Variants in DOCK10 observed in about 807,000 individuals in gnomAD.
DOCK10 encodes dedicator of cytokinesis protein 10.
DOCK10 carries 145 observed loss-of-function variants against 280.1 expected under a neutral mutation model. The ratio of observed to expected loss-of-function variants is 0.52; its 90% CI spans 0.45 to 0.59. The LOEUF (loss-of-function observed/expected upper bound fraction) is 0.59. Ranked by LOEUF, DOCK10 falls within the 20% of genes least tolerant of loss-of-function variation. The pLI, the probability that DOCK10 is intolerant of heterozygous loss-of-function variation, is 0.00. For missense variants in DOCK10, 2,368 were observed against 2,651.7 expected (o/e 0.89, Z 2.35); for synonymous variants, 915 against 942.2 (o/e 0.97, Z 0.53).
intron 1 of DOCK10, among the ~76,000 whole-genome samples, chr2:225,027,612 CCTCT>C (rs1689952533): frequency 6.6e-6 from 1 of 152,022 alleles, no homozygotes; most frequent in Non-Finnish European, 1.5e-5. Context: ...GTGCCCCCTC[CCTCT>C]CTCTCCTTCT....
intron 38 of DOCK10, 34 bp from the exon 39 acceptor site, chr2:224,804,247 A>C: frequency 2.3e-6 from 3 of 1,307,622 alleles, no homozygotes; most frequent in Non-Finnish European, 3.3e-6. Flanking sequence ...ATCATAGCTC[A>C]GTGTTTGTAA....
At position 224,778,187 on chromosome 2, in the gene DOCK10, G is replaced by A; in HGVS notation, c.5753C>T (p.Ala1918Val). 2 of 1,613,288 alleles carry A rather than the reference G, an allele frequency of 1.2e-6. No homozygotes were observed. The highest frequency in any genetic ancestry group is 1.7e-6 in the Non-Finnish European group (2 of 1,179,480). The stretch of plus-strand genomic sequence containing the variant: ...CACATTGTCTGCTCCAAATTTATCT[G>A]CATAGAGCTTGAGTAATCTTTGGGA... ...EISQRLLKLYADKFGADNVKI... is the reference protein window; with the variant it reads ...EISQRLLKLYVDKFGADNVKI... Residue 1918 changes from alanine (A) to valine (V), a missense_variant, in exon 51 of 56, where the codon GCA becomes GTA. By Grantham distance (64) the Ala-to-Val change is moderately conservative (BLOSUM62 0). Around this residue, in one of 2 missense-constraint regions of DOCK10, gnomAD observed 1,159 missense variants for 1,400.8 expected, o/e 0.83. Coordinates refer to ENST00000258390, the MANE Select transcript of DOCK10 (RefSeq NM_014689.3).
chr2:225,022,603 C>T (rs1369464181), intron 1 of DOCK10, among the ~76,000 whole-genome samples: 1 of 152,208 alleles, frequency 6.6e-6, no homozygotes, highest in African/African-American at 2.4e-5. Flanking sequence ...AACATAAACA[C>T]TATCTACTAC....
chr2:224,794,956 C>A lies in DOCK10; in HGVS notation c.5077G>T (p.Ala1693Ser). The A allele has an allele frequency of 6.2e-7, 1 of 1,613,882 alleles. No individual in the cohort carries two copies. Among genetic ancestry groups the A allele is most frequent in the Non-Finnish European group, 8.5e-7 (1 of 1,179,840 alleles). Residue 1693 changes from alanine to serine, a missense_variant, in exon 45 of 56, where the codon GCA (alanine) becomes TCA (serine). By Grantham distance (99) the Ala-to-Ser change is moderately conservative. Transcript: ENST00000258390. ...DLQYSLANSYASTPELRRTWL... is the reference protein window; with the variant it reads ...DLQYSLANSYSSTPELRRTWL... ...GTCCTGCGTAGTTCAGGAGTGCTTG[C>A]GTAGGAGTTTGCCAGGCTGTACTGG...
intron 38 of DOCK10, among the ~76,000 whole-genome samples, 173 bp downstream of exon 38, chr2:224,804,621 A>G (rs1222872290): frequency 6.6e-6 from 1 of 152,010 alleles, no homozygotes; most frequent in Non-Finnish European, 1.5e-5. Flanking sequence ...TAGATCTACA[A>G]TGCGTATGAG....
chr2:224,872,240 A>T (rs889544858), intron 11 of DOCK10, among the ~76,000 whole-genome samples: 1 of 152,228 alleles, frequency 6.6e-6, no homozygotes, highest in African/African-American at 2.4e-5. Context: ...TTTCAATGCA[A>T]TTTCTCACAT....
chr2:225,020,599 A>T (rs1485090468), intron 1 of DOCK10, among the ~76,000 whole-genome samples: 1 of 152,242 alleles, frequency 6.6e-6, no homozygotes. Context: ...AGAGGTAGCT[A>T]TTTTAAGATT....
intron 15 of DOCK10, 26 bp from the exon 16 acceptor site, chr2:224,855,068 C>CAA: frequency 1.1e-6 from 1 of 905,768 alleles, no homozygotes; most frequent in Non-Finnish European, 1.7e-6. Flanking sequence ...AGCAAGGACA[C>CAA]ACACACACAC....
chr2:224,932,934 T>C (rs2126029436), intron 1 of DOCK10, among the ~76,000 whole-genome samples: 1 of 152,224 alleles, frequency 6.6e-6, no homozygotes, highest in South Asian at 2.1e-4. Flanking sequence ...GTGAACATAG[T>C]GGGCCAAAGG....
At chr2:224,930,036 A>T (rs1052381785) in intron 2 of DOCK10, among the ~76,000 whole-genome samples, 3 of 151,982 alleles carry the variant, frequency 2.0e-5, no homozygotes, top group Admixed American at 6.6e-5. Flanking sequence ...CCCCATCTCT[A>T]CTAAAATTAC....
At chr2:224,775,518 T>C (rs1347628002) in intron 51 of DOCK10, among the ~76,000 whole-genome samples, 1 of 152,152 alleles carries the variant, frequency 6.6e-6, no homozygotes, top group Non-Finnish European at 1.5e-5. Context: ...CTCTGTCTCC[T>C]AGGCTGGAGT....
intron 19 of DOCK10, among the ~76,000 whole-genome samples, chr2:224,849,272 C>T (rs745659194): frequency 6.6e-6 from 1 of 152,224 alleles, no homozygotes; most frequent in Non-Finnish European, 1.5e-5. Flanking sequence ...CTATACCCGG[C>T]CAGCATTCCA....
At chr2:224,968,694 A>AT (rs994411095) in intron 1 of DOCK10, among the ~76,000 whole-genome samples, 1 of 152,202 alleles carries the variant, frequency 6.6e-6, no homozygotes, top group Non-Finnish European at 1.5e-5. Context: ...ATACTAGATT[A>AT]TTTTTCCATA....
At chr2:224,908,181 T>C (rs1239362919) in intron 3 of DOCK10, among the ~76,000 whole-genome samples, 2 of 113,752 alleles carry the variant, frequency 1.8e-5, no homozygotes. Context: ...TGTGTGTGTG[T>C]GTATGTGTGT....
At chr2:225,000,083 C>G (rs767695179) in intron 1 of DOCK10, among the ~76,000 whole-genome samples, 7 of 152,188 alleles carry the variant, frequency 4.6e-5, no homozygotes, top group Admixed American at 1.3e-4. Context: ...ATTTCATACA[C>G]TTTCTATGCA....
intron 53 of DOCK10, among the ~76,000 whole-genome samples, chr2:224,771,207 C>T (rs1027038742): frequency 1.1e-4 from 17 of 152,132 alleles, no homozygotes; most frequent in East Asian, 3.8e-4. Flanking sequence ...CTTGGCCTCC[C>T]GAAGTGCTGG....
At chr2:224,856,287 T>C (rs1697139145) in intron 15 of DOCK10, among the ~76,000 whole-genome samples, 1 of 145,132 alleles carries the variant, frequency 6.9e-6, no homozygotes, top group Admixed American at 6.6e-5. Context: ...ACATGGGTTT[T>C]GTAAGAGTTT....
chr2:225,015,415 C>T lies in DOCK10; in HGVS notation c.123+26837G>A, dbSNP rs549806204. Among the ~76,000 whole-genome samples, 21 of 152,264 alleles carry T rather than the reference C, an allele frequency of 1.4e-4. 1 individual carries two copies. The highest frequency in any genetic ancestry group is 2.6e-4 in the Admixed American group (4 of 15,296). ...CTTTATTATTTCCATGTAATCAGGA[C>T]CAAGTTCATCTTTGGAACGTTGATC... On this transcript the variant is annotated intron_variant, in intron 1 of 55. Transcript: ENST00000258390.
At chr2:224,858,947 A>T (rs1697325404) in intron 14 of DOCK10, among the ~76,000 whole-genome samples, 1 of 152,260 alleles carries the variant, frequency 6.6e-6, no homozygotes, top group Admixed American at 6.5e-5. Flanking sequence ...AATAACCATG[A>T]TGTGCAGAAT....
Sources: gnomAD v4.1 joint callset for allele counts (sites outside exome capture counted in the v4.1 genomes callset) on GRCh38, gnomAD v4.1.1 for gene constraint, gnomAD v4.1.1 regional missense constraint, MANE v1.5 for transcripts, NCBI Gene and HGNC (gene_info 2026-07-23, HGNC 2026-07-21) for gene names.